CCDC171: variants seen among roughly 807,000 people sequenced by gnomAD.
CCDC171 encodes coiled-coil domain-containing protein 171.
CCDC171 carries 177 observed loss-of-function variants against 168.2 expected under a neutral mutation model. The ratio of observed to expected loss-of-function variants is 1.05; its 90% confidence interval spans 0.93 to 1.19. The LOEUF (loss-of-function observed/expected upper bound fraction) is 1.19. CCDC171 is among the 50% of genes most tolerant of loss of function. The pLI, the probability that CCDC171 is intolerant of heterozygous loss-of-function variation, is 0.00. For missense variants in CCDC171, 1,991 were observed against 1,539.0 expected (o/e 1.29, Z -4.91); for synonymous variants, 687 against 540.8 (o/e 1.27, Z -3.75).
At chr9:16,058,410 G>A (rs1442923091) in intron 1 of CCDC171, among the ~76,000 whole-genome samples, 1 of 151,886 alleles carries the variant, frequency 6.6e-6, no homozygotes, top group African/African-American at 2.4e-5. Flanking sequence ...CAGGTATGCT[G>A]CAGGTATGCT....
At position 15,689,450 on chromosome 9, in the gene CCDC171, C is replaced by T. The variant is rs1587973370; in HGVS notation, c.1216-5785C>T. On this transcript the variant is annotated intron_variant, in intron 10 of 25. Coordinates refer to ENST00000380701, the MANE Select transcript of CCDC171 (RefSeq NM_173550.4). Reference sequence around the variant, plus strand: ...AGGAGGCCCAGCACAGTGGCTCATGCCTGTAATCCTAGCACTTTGGGAAGC... The same window carrying T: ...AGGAGGCCCAGCACAGTGGCTCATGTCTGTAATCCTAGCACTTTGGGAAGC... Among the ~76,000 whole-genome samples, 3 of 152,278 alleles carry T rather than the reference C, an allele frequency of 2.0e-5. No individual in the cohort carries two copies. The South Asian group carries it at 6.2e-4, about 32-fold the overall frequency.
intron 24 of CCDC171, among the ~76,000 whole-genome samples, chr9:15,904,180 A>C (rs536109520): frequency 6.6e-6 from 1 of 152,324 alleles, no homozygotes; most frequent in Admixed American, 6.5e-5. Flanking sequence ...AGAGAATGCC[A>C]CAAAGATACT....
intron 6 of CCDC171, among the ~76,000 whole-genome samples, chr9:16,030,071 T>C (rs1833341966): frequency 6.6e-6 from 1 of 152,176 alleles, no homozygotes; most frequent in Non-Finnish European, 1.5e-5. Flanking sequence ...CTCTGGGGCC[T>C]CTTTTTTAAG....
intron 9 of CCDC171, among the ~76,000 whole-genome samples, chr9:15,677,258 A>G (rs1017199551): frequency 9.2e-5 from 14 of 152,090 alleles, no homozygotes; most frequent in South Asian, 8.3e-4. Flanking sequence ...CTACTTTGAG[A>G]GATTTACATA....
Position 15,874,123 on chromosome 9 carries a change from T to C in CCDC171, c.3469-409T>C, listed in dbSNP as rs377113275. On this transcript the variant is annotated intron_variant, in intron 23 of 25. Coordinates refer to ENST00000380701, the MANE Select transcript of CCDC171 (RefSeq NM_173550.4). ...AGACTAGTACCTAATAACTATCTTG[T>C]CCAATATGTATCAGTTCATATCAGT... Among the ~76,000 whole-genome samples, 7 of 152,282 alleles carry C rather than the reference T, an allele frequency of 4.6e-5. No homozygotes were observed. In the East Asian group the frequency reaches 1.2e-3, roughly 25 times the overall value.
At chr9:15,970,877 T>C (rs1210478347) in intron 25 of CCDC171, among the ~76,000 whole-genome samples, 1 of 152,174 alleles carries the variant, frequency 6.6e-6, no homozygotes, top group Non-Finnish European at 1.5e-5. Context: ...GGGAGAGGGT[T>C]GAAGAACTAC....
intron 7 of CCDC171, among the ~76,000 whole-genome samples, chr9:15,628,605 C>T (rs2045383621): frequency 6.6e-6 from 1 of 152,184 alleles, no homozygotes; most frequent in East Asian, 1.9e-4. Context: ...GGGCAGGGCA[C>T]AGACAAACAA....
intron 6 of CCDC171, among the ~76,000 whole-genome samples, chr9:16,029,731 G>A (rs1159540316): frequency 6.6e-6 from 1 of 152,174 alleles, no homozygotes; most frequent in African/African-American, 2.4e-5. Context: ...GCTAGAAGGA[G>A]AAAGACTTGG....
At chr9:15,635,490 A>G (rs1223623129) in intron 7 of CCDC171, among the ~76,000 whole-genome samples, 2 of 152,118 alleles carry the variant, frequency 1.3e-5, no homozygotes, top group Non-Finnish European at 2.9e-5. Flanking sequence ...AGGCTGGAAC[A>G]CTCAGCAAGT....
chr9:15,853,142 T>C (rs566200747), intron 23 of CCDC171, among the ~76,000 whole-genome samples: 1 of 151,734 alleles, frequency 6.6e-6, no homozygotes, highest in East Asian at 1.9e-4. Flanking sequence ...ACCTGCTATG[T>C]TGAATTTATA....
chr9:15,823,144 A>G (rs1475702306), intron 21 of CCDC171, among the ~76,000 whole-genome samples: 3 of 152,102 alleles, frequency 2.0e-5, no homozygotes, highest in South Asian at 2.1e-4. Context: ...ATGAGAACAC[A>G]TAGACACAGG....
chr9:15,766,467 A>G (rs2056728807), intron 18 of CCDC171, among the ~76,000 whole-genome samples: 1 of 151,690 alleles, frequency 6.6e-6, no homozygotes, highest in Non-Finnish European at 1.5e-5. Flanking sequence ...ATGATAGGAT[A>G]GTAAGTTCCA....
At chr9:16,081,691 A>C in the CCDC171 span, among the ~76,000 whole-genome samples, 1 of 152,132 alleles carries the variant, frequency 6.6e-6, no homozygotes, top group Non-Finnish European at 1.5e-5. Context: ...CTGTGGGTCT[A>C]ACACATCTTA....
intron 21 of CCDC171, among the ~76,000 whole-genome samples, chr9:15,784,991 T>G (rs2057865721): frequency 6.6e-6 from 1 of 152,124 alleles, no homozygotes; most frequent in African/African-American, 2.4e-5. Flanking sequence ...TTTATCTTCT[T>G]TATTTCTTCC....
intron 23 of CCDC171, among the ~76,000 whole-genome samples, chr9:15,855,960 A>T (rs934535838): frequency 6.6e-6 from 1 of 151,940 alleles, no homozygotes; most frequent in African/African-American, 2.4e-5. Flanking sequence ...CAAACCAAAC[A>T]TACATTAATA....
the CCDC171 span, among the ~76,000 whole-genome samples, chr9:16,067,248 T>C: frequency 0.027 from 4,065 of 151,416 alleles, 184 homozygotes; most frequent in African/African-American, 0.091. Context: ...TTTTTGGCTG[T>C]ATAAATGTCT....
intron 3 of CCDC171, among the ~76,000 whole-genome samples, chr9:15,987,124 C>A (rs2987025): frequency 0.5 from 75,292 of 151,926 alleles, 20,041 homozygotes; most frequent in African/African-American, 0.71. Context: ...GTAACAGAAA[C>A]TATTGAAAAA....
At chr9:15,860,198 G>T (rs146241138) in intron 23 of CCDC171, among the ~76,000 whole-genome samples, 1 of 150,094 alleles carries the variant, frequency 6.7e-6, no homozygotes, top group Non-Finnish European at 1.5e-5. Context: ...TGTAAATTTC[G>T]TCTTTTCAAA....
chr9:15,563,881 C>G, intron 1 of CCDC171, 97 bp from the exon 2 acceptor site: 2 of 515,114 alleles, frequency 3.9e-6, no homozygotes, highest in South Asian at 2.4e-5. Flanking sequence ...TTTCACTTAT[C>G]AATTATTACA....
Sources: allele counts gnomAD v4.1 joint callset (sites outside exome capture counted in the v4.1 genomes callset), GRCh38; gene constraint gnomAD v4.1.1; transcripts MANE v1.5; gene names NCBI Gene and HGNC (gene_info 2026-07-23, HGNC 2026-07-21).